The following METTL4 variants were observed in gnomAD, a reference collection of about 807,000 sequenced individuals.
The protein encoded by METTL4 is N(6)-adenine-specific methyltransferase METTL4.
In METTL4, 40 loss-of-function variants were observed where a neutral mutation model predicts 54.0. That is an observed-to-expected ratio of 0.74 (90% CI 0.58 to 0.96). METTL4 has a LOEUF of 0.96. Among genes scored for constraint, METTL4 ranks in the 50% least tolerant of loss-of-function variants. The pLI is 0.00. For synonymous variants in METTL4, 169 were observed against 183.8 expected (o/e 0.92, Z 0.65); for missense variants, 525 against 549.0 (o/e 0.96, Z 0.44).
intron 3 of METTL4, among the ~76,000 whole-genome samples, chr18:2,557,801 TG>T (rs2072260761): frequency 1.3e-5 from 2 of 152,320 alleles, no homozygotes; most frequent in Admixed American, 1.3e-4. Flanking sequence ...CCTTTGTCCC[TG>T]ACCTAGGAGT....
At chr18:2,552,517 A>G (rs150817724) in intron 5 of METTL4, among the ~76,000 whole-genome samples, 178 bp downstream of exon 5, 16 of 152,304 alleles carry the variant, frequency 1.1e-4, no homozygotes, top group African/African-American at 3.8e-4. Context: ...TTACACTTAT[A>G]TATAGTTACA....
intron 3 of METTL4, among the ~76,000 whole-genome samples, chr18:2,557,383 A>C (rs2072254438): frequency 6.6e-6 from 1 of 152,190 alleles, no homozygotes; most frequent in Non-Finnish European, 1.5e-5. Flanking sequence ...CACCACTCAG[A>C]TGGGAACACC....
At chr18:2,544,572 A>T (rs1368833356) in intron 7 of METTL4, 81 bp downstream of exon 7, 14 of 938,840 alleles carry the variant, frequency 1.5e-5, no homozygotes, top group South Asian at 4.6e-5. Context: ...TAAACATTTT[A>T]AAAAGTCAAT....
rs961636658 is a variant in METTL4 at position 2,547,291 on chromosome 18, A to C, written c.1074+64T>G. ...AGTGACATGTTGAGCATTACAAAGT[A>C]GATGCTACCTTTATGTGACTTCTAT... On this transcript the variant is annotated intron_variant, in intron 6 of 8. Coordinates refer to ENST00000574538, the MANE Select transcript of METTL4 (RefSeq NM_022840.5). 22 of 1,331,032 alleles carry C rather than the reference A, an allele frequency of 1.7e-5. No homozygotes were observed. In the Admixed American group the frequency reaches 5.4e-4, roughly 33 times the overall value. 82.5% of individuals were successfully genotyped at this position (1,331,032 alleles called of 1,614,324 possible).
intron 3 of METTL4, among the ~76,000 whole-genome samples, chr18:2,557,811 G>A (rs1259508651): frequency 6.6e-6 from 1 of 152,148 alleles, no homozygotes; most frequent in African/African-American, 2.4e-5. Flanking sequence ...TGACCTAGGA[G>A]TCTCCTATCT....
chr18:2,556,581 T>G (rs1232820679), intron 3 of METTL4, among the ~76,000 whole-genome samples: 1 of 151,872 alleles, frequency 6.6e-6, no homozygotes, highest in Non-Finnish European at 1.5e-5. Flanking sequence ...GATGATAAAA[T>G]TAGTAGAAAA....
chr18:2,565,460 T>C (rs2072392949), intron 2 of METTL4, among the ~76,000 whole-genome samples: 1 of 151,886 alleles, frequency 6.6e-6, no homozygotes, highest in Admixed American at 6.6e-5. Context: ...ATGACACAAA[T>C]GTATCTATAT....
chr18:2,553,076 A>C (rs1439569198), intron 4 of METTL4: 1 of 205,572 alleles, frequency 4.9e-6, no homozygotes, highest in Non-Finnish European at 9.6e-6. Context: ...CAGCCATATT[A>C]ATATAGTTCT....
chr18:2,552,300 A>G (rs2072174206), intron 5 of METTL4, among the ~76,000 whole-genome samples: 1 of 152,232 alleles, frequency 6.6e-6, no homozygotes, highest in South Asian at 2.1e-4. Flanking sequence ...AAGAAGTAAC[A>G]TAAACTAAAA....
At chr18:2,558,010 A>G (rs1475175968) in intron 3 of METTL4, among the ~76,000 whole-genome samples, 1 of 152,250 alleles carries the variant, frequency 6.6e-6, no homozygotes, top group Non-Finnish European at 1.5e-5. Context: ...CAAGTGAGAA[A>G]TTAATGCAAA....
intron 8 of METTL4, chr18:2,540,806 T>C: frequency 1.0e-6 from 1 of 985,374 alleles, no homozygotes; most frequent in Non-Finnish European, 1.2e-6. Flanking sequence ...TGAAGAAAGG[T>C]TTTGTTTGTT....
chr18:2,552,054 A>G (rs567388386), intron 5 of METTL4, among the ~76,000 whole-genome samples: 4 of 152,040 alleles, frequency 2.6e-5, no homozygotes, highest in African/African-American at 7.2e-5. Flanking sequence ...TTAGCCGGGC[A>G]TGGTGGCGTG....
rs1410879698 is a variant in METTL4 at position 2,566,971 on chromosome 18, G to A, written c.246C>T (p.Phe82=). The A allele has an allele frequency of 1.2e-6, 2 of 1,614,118 alleles. No individual in the cohort carries two copies. Among genetic ancestry groups the A allele is most frequent in the Admixed American group, 3.3e-5 (2 of 60,016 alleles). Residue 82 remains phenylalanine, a synonymous_variant, in exon 2 of 9, where the codon TTC becomes TTT. Transcript: ENST00000574538. ...CAGGTCGAAAAACAAATTTTCGTGT[G>A]AACATTTCATAATTTCCTCCATCAT... ...ENDDGGNYEM[F]TRKFVFRPEL...
intron 5 of METTL4, among the ~76,000 whole-genome samples, chr18:2,552,236 ATTGT>A (rs1197481222): frequency 6.6e-6 from 1 of 151,214 alleles, no homozygotes; most frequent in African/African-American, 2.5e-5. Flanking sequence ...AAAGGAAAAA[ATTGT>A]TTAATGCTAT....
chr18:2,564,160 T>C (rs1372404608), intron 2 of METTL4, among the ~76,000 whole-genome samples: 2 of 152,008 alleles, frequency 1.3e-5, no homozygotes, highest in Non-Finnish European at 2.9e-5. Context: ...TCCCAGCACT[T>C]TGGGAGGCCA....
At chr18:2,554,600 A>G (rs1325136494) in intron 4 of METTL4, 69 bp downstream of exon 4, 1 of 1,425,034 alleles carries the variant, frequency 7.0e-7, no homozygotes, top group Non-Finnish European at 9.6e-7. Flanking sequence ...CAAATTTCAG[A>G]CTAGCTCTTA....
At chr18:2,561,153 C>A (rs1282486862) in intron 3 of METTL4, 1 of 152,058 alleles carries the variant, frequency 6.6e-6, no homozygotes. Context: ...AAGCACAAGA[C>A]AAAGTAAATA....
In METTL4 at chr18:2,537,676, A is replaced by T. The variant is rs1482039064; in HGVS notation, c.*1324T>A. 1 of 392,104 alleles carries T rather than the reference A, an allele frequency of 2.6e-6. No homozygotes were observed. Among genetic ancestry groups the T allele is most frequent in the Non-Finnish European group, 4.5e-6 (1 of 222,474 alleles). The allele number at this position is 392,104 out of a possible 1,614,324, so 24.3% of individuals were successfully genotyped here. A position where few individuals can be genotyped will look rare whatever the true frequency, so the allele number is the denominator to read the frequency against. ...TTCAAAAATAACATATTTTTCTTTG[A>T]CAAAATCAGTAAATTGGCAAGCTTG... On this transcript the variant is annotated 3_prime_UTR_variant, in exon 9 of 9. Coordinates refer to ENST00000574538, the MANE Select transcript of METTL4 (RefSeq NM_022840.5).
chr18:2,563,817 C>T lies in METTL4; in HGVS notation c.439G>A (p.Ala147Thr), dbSNP rs776417529. 8.7e-6 allele frequency: 14 copies of T among 1,609,478 alleles called. No homozygotes were observed. The South Asian group carries it at 1.2e-4, about 14-fold the overall frequency. Residue 147 changes from alanine to threonine, a missense_variant, in exon 3 of 9, where the codon GCT becomes ACT. Transcript: ENST00000574538. ...CTTACCTTTGTATGGTATTCCATAG[C>T]ATCCAATTCACCTTGATTGAAAACA... ...CVVFNQGELDAMEYHTKIREL... is the reference protein window; with the variant it reads ...CVVFNQGELDTMEYHTKIREL...
Sources: allele counts gnomAD v4.1 joint callset (sites outside exome capture counted in the v4.1 genomes callset), GRCh38; gene constraint gnomAD v4.1.1; transcripts MANE v1.5; gene names NCBI Gene and HGNC (gene_info 2026-07-23, HGNC 2026-07-21).